The following TMC1 variants were observed in gnomAD, a reference collection of about 807,000 sequenced individuals.
The protein encoded by TMC1 is transmembrane channel-like protein 1.
Under a neutral mutation model 105.8 loss-of-function variants are expected in TMC1, and 84 were observed. The ratio of observed to expected loss-of-function variants is 0.79; its 90% CI spans 0.67 to 0.95. TMC1 has a LOEUF of 0.95. Ranked by LOEUF, TMC1 falls within the 40% of genes least tolerant of loss-of-function variation. The pLI, the probability that TMC1 is intolerant of heterozygous loss-of-function variation, is 0.00. For missense variants in TMC1, 817 were observed against 914.1 expected, an observed-to-expected ratio of 0.89 and a Z score of 1.37; for synonymous variants, 315 against 311.5, an observed-to-expected ratio of 1.01 and a Z score of -0.12.
intron 12 of TMC1, among the ~76,000 whole-genome samples, chr9:72,764,522 A>T (rs1188559268): frequency 6.6e-6 from 1 of 152,130 alleles, no homozygotes; most frequent in South Asian, 2.1e-4. Flanking sequence ...CAGTAGGAAA[A>T]ATTAAAGAGT....
At chr9:72,724,818 G>A (rs1197266231) in intron 8 of TMC1, among the ~76,000 whole-genome samples, 1 of 152,068 alleles carries the variant, frequency 6.6e-6, no homozygotes, top group African/African-American at 2.4e-5. Flanking sequence ...AATTTTAGCT[G>A]TCAGTAACAG....
chr9:72,714,075 G>GT (rs1564508944), intron 8 of TMC1, among the ~76,000 whole-genome samples: 2 of 152,282 alleles, frequency 1.3e-5, no homozygotes, highest in African/African-American at 2.4e-5. Flanking sequence ...TAGTTGTGAA[G>GT]TTTTGAGTGA....
At chr9:72,732,101 A>G (rs2117986797) in intron 8 of TMC1, among the ~76,000 whole-genome samples, 1 of 152,368 alleles carries the variant, frequency 6.6e-6, no homozygotes, top group Admixed American at 6.5e-5. Context: ...AAACTGAATG[A>G]CAATAATATA....
chr9:72,561,563 A>T (rs568617762), intron 1 of TMC1, among the ~76,000 whole-genome samples: 1 of 152,268 alleles, frequency 6.6e-6, no homozygotes, highest in East Asian at 1.9e-4. Flanking sequence ...AACAGTAGAC[A>T]CCATTTAGTA....
chr9:72,714,662 T>G (rs1262053827), intron 8 of TMC1, among the ~76,000 whole-genome samples: 1 of 152,198 alleles, frequency 6.6e-6, no homozygotes, highest in Non-Finnish European at 1.5e-5. Context: ...TGTGTGTCTT[T>G]GCACGTCAGA....
Position 72,656,137 on chromosome 9 carries a change from C to T in TMC1, c.16+7473C>T, listed in dbSNP as rs575111434. ...GCAGCTTGTTAGAGTGATTCGAATT[C>T]GGTGAATTGCCATCTTCGGCTCCGT... On this transcript the variant is annotated intron_variant, in intron 5 of 23. Transcript: ENST00000297784. The T allele has an allele frequency of 3.6e-5, 23 of 636,514 alleles. No homozygotes were observed. The Admixed American group carries it at 4.0e-4, about 11-fold the overall frequency. The allele number at this position is 636,514 out of a possible 1,614,324, so 39.4% of individuals were successfully genotyped here. A position where few individuals can be genotyped will look rare whatever the true frequency, so the allele number is the denominator to read the frequency against.
At chr9:72,813,881 G>A (rs1828741706) in intron 18 of TMC1, among the ~76,000 whole-genome samples, 1 of 152,108 alleles carries the variant, frequency 6.6e-6, no homozygotes, top group South Asian at 2.1e-4. Flanking sequence ...AAATCCACTT[G>A]GTCCAGTATG....
chr9:72,710,258 GC>G (rs1408232016), intron 8 of TMC1, among the ~76,000 whole-genome samples: 2 of 152,012 alleles, frequency 1.3e-5, no homozygotes, highest in Non-Finnish European at 1.5e-5. Flanking sequence ...TTGTTTTCTG[GC>G]CTGTCATATG....
At chr9:72,785,166 T>G (rs931390045) in intron 13 of TMC1, among the ~76,000 whole-genome samples, 2 of 152,188 alleles carry the variant, frequency 1.3e-5, no homozygotes, top group African/African-American at 4.8e-5. Context: ...AGTAGCACCC[T>G]CTTGTCTTCA....
chr9:72,567,455 T>C (rs1200967574), intron 1 of TMC1, among the ~76,000 whole-genome samples: 2 of 152,188 alleles, frequency 1.3e-5, no homozygotes, highest in Non-Finnish European at 2.9e-5. Context: ...CTGGGTAATT[T>C]ATAAAGAAAA....
chr9:72,551,256 C>T (rs1277926462), intron 1 of TMC1, among the ~76,000 whole-genome samples: 3 of 152,174 alleles, frequency 2.0e-5, no homozygotes, highest in African/African-American at 7.2e-5. Context: ...TTATTGTAAA[C>T]CACTACATTT....
chr9:72,738,512 G>A (rs1181063362), intron 8 of TMC1, among the ~76,000 whole-genome samples: 1 of 152,062 alleles, frequency 6.6e-6, no homozygotes, highest in Non-Finnish European at 1.5e-5. Context: ...CCGCCTCCCA[G>A]GTTCAAGTGA....
At chr9:72,783,807 T>C (rs1828129371) in intron 13 of TMC1, among the ~76,000 whole-genome samples, 1 of 152,170 alleles carries the variant, frequency 6.6e-6, no homozygotes, top group South Asian at 2.1e-4. Flanking sequence ...CCCTGGGTCA[T>C]ACACAGCATT....
intron 20 of TMC1, among the ~76,000 whole-genome samples, chr9:72,822,542 G>GTGTGTA (rs1434089149): frequency 3.3e-5 from 5 of 151,374 alleles, no homozygotes; most frequent in African/African-American, 4.9e-5. Context: ...GTGTGTGTGT[G>GTGTGTA]TGTGTGTGTG....
chr9:72,716,793 C>T (rs1249963800), intron 8 of TMC1, among the ~76,000 whole-genome samples: 1 of 152,162 alleles, frequency 6.6e-6, no homozygotes, highest in Admixed American at 6.5e-5. Flanking sequence ...ACTGACATTC[C>T]AGGCACCACT....
intron 5 of TMC1, among the ~76,000 whole-genome samples, chr9:72,677,863 A>G (rs537399551): frequency 1.3e-5 from 2 of 152,256 alleles, no homozygotes; most frequent in African/African-American, 4.8e-5. Flanking sequence ...ACTCTGAACA[A>G]GATCCTGTAA....
At chr9:72,828,014 A>G (rs1048218750) in intron 21 of TMC1, among the ~76,000 whole-genome samples, 2 of 152,170 alleles carry the variant, frequency 1.3e-5, no homozygotes, top group Non-Finnish European at 2.9e-5. Context: ...ATTGATTTAC[A>G]CAAAGAAAGT....
At chr9:72,581,494 A>G (rs1019202059) in intron 2 of TMC1, among the ~76,000 whole-genome samples, 1 of 152,108 alleles carries the variant, frequency 6.6e-6, no homozygotes, top group Non-Finnish European at 1.5e-5. Flanking sequence ...TTCTTTCTCA[A>G]TGTATTCTCA....
intron 8 of TMC1, among the ~76,000 whole-genome samples, chr9:72,731,798 T>G (rs1827215269): frequency 6.6e-6 from 1 of 152,188 alleles, no homozygotes. Context: ...ATCATTCCCC[T>G]GCACCAGAAT....
Sources: gnomAD v4.1 joint callset for allele counts (sites outside exome capture counted in the v4.1 genomes callset) on GRCh38, gnomAD v4.1.1 for gene constraint, MANE v1.5 for transcripts, NCBI Gene and HGNC (gene_info 2026-07-23, HGNC 2026-07-21) for gene names.